The following TASP1 variants were observed in gnomAD, a reference collection of about 807,000 sequenced individuals.
The protein encoded by TASP1 is threonine aspartase 1.
TASP1 carries 16 observed loss-of-function variants against 56.6 expected under a neutral mutation model. That is an observed-to-expected ratio of 0.28 (90% CI 0.19 to 0.43). The LOEUF (loss-of-function observed/expected upper bound fraction) is 0.43. Ranked by LOEUF, TASP1 falls within the 20% of genes least tolerant of loss-of-function variation. The probability of loss-of-function intolerance (pLI) is 1.00; values close to 1 mark genes in which losing one functional copy is unlikely to be tolerated. For synonymous variants in TASP1, 179 were observed against 184.2 expected (o/e 0.97, Z 0.23); for missense variants, 393 against 511.6 (o/e 0.77, Z 2.24).
chr20:13,572,805 C>T (rs1168348380), intron 6 of TASP1, among the ~76,000 whole-genome samples: 1 of 151,866 alleles, frequency 6.6e-6, no homozygotes, highest in South Asian at 2.1e-4. Flanking sequence ...TGGATGTACT[C>T]ATGTGAATTA....
the TASP1 span, among the ~76,000 whole-genome samples, chr20:13,319,669 T>TA: frequency 1.3e-5 from 2 of 152,222 alleles, no homozygotes; most frequent in Non-Finnish European, 2.9e-5. Context: ...CTATAATGCC[T>TA]AAAGAAACAT....
chr20:13,413,273 T>G (rs1600716239), intron 13 of TASP1, among the ~76,000 whole-genome samples: 1 of 152,132 alleles, frequency 6.6e-6, no homozygotes, highest in Non-Finnish European at 1.5e-5. Context: ...GGAAATATGG[T>G]ATGGGCAACA....
chr20:13,178,837 G>A, the TASP1 span, among the ~76,000 whole-genome samples: 1 of 152,018 alleles, frequency 6.6e-6, no homozygotes, highest in African/African-American at 2.4e-5. Flanking sequence ...AGCTAGATAG[G>A]AGAAATAGGT....
chr20:13,601,031 T>C (rs1208082254), intron 4 of TASP1, among the ~76,000 whole-genome samples: 1 of 152,150 alleles, frequency 6.6e-6, no homozygotes, highest in Non-Finnish European at 1.5e-5. Context: ...ATCCCAACCC[T>C]CTGGGAGGCC....
chr20:13,527,507 T>C (rs1452025759), intron 10 of TASP1, among the ~76,000 whole-genome samples: 1 of 152,132 alleles, frequency 6.6e-6, no homozygotes, highest in Non-Finnish European at 1.5e-5. Context: ...GAGAAAAGGC[T>C]TCACGTACAT....
chr20:13,462,367 A>G (rs1177794744), intron 11 of TASP1, among the ~76,000 whole-genome samples: 1 of 152,190 alleles, frequency 6.6e-6, no homozygotes, highest in East Asian at 1.9e-4. Context: ...TTAAATAGCC[A>G]GATGTGACTA....
the TASP1 span, among the ~76,000 whole-genome samples, chr20:13,376,022 G>A: frequency 6.6e-6 from 1 of 152,084 alleles, no homozygotes; most frequent in Non-Finnish European, 1.5e-5. Flanking sequence ...CCATTCTGTA[G>A]GTTGCCTGTT....
chr20:13,327,116 T>C, the TASP1 span, among the ~76,000 whole-genome samples: 7,854 of 152,274 alleles, frequency 0.052, 256 homozygotes, highest in Middle Eastern at 0.11. Context: ...CAGCAAAGTC[T>C]CAGGATAGAA....
chr20:13,277,585 G>A, the TASP1 span, among the ~76,000 whole-genome samples: 3 of 151,630 alleles, frequency 2.0e-5, no homozygotes, highest in African/African-American at 7.3e-5. Flanking sequence ...ATTCATTCCA[G>A]CAAATAGCAA....
chr20:13,312,719 A>T, the TASP1 span, among the ~76,000 whole-genome samples: 5 of 152,156 alleles, frequency 3.3e-5, no homozygotes, highest in Admixed American at 2.0e-4. Flanking sequence ...CCTCCAGCTG[A>T]AACACCTACT....
chr20:13,636,901 T>C (rs181576435), intron 1 of TASP1, among the ~76,000 whole-genome samples: 11 of 152,000 alleles, frequency 7.2e-5, no homozygotes, highest in Non-Finnish European at 1.6e-4. Flanking sequence ...ACTTGACAAG[T>C]CTTTGAAAAA....
chr20:13,592,693 T>C (rs2047577992), intron 4 of TASP1, among the ~76,000 whole-genome samples: 1 of 152,180 alleles, frequency 6.6e-6, no homozygotes, highest in South Asian at 2.1e-4. Flanking sequence ...TTCTGTTTTC[T>C]ATTTCATTGA....
rs574212585 is a variant in TASP1 at position 13,590,229 on chromosome 20, G to C, written c.283-2859C>G. ...AGCCTGGGTGACAGGGCGAGACTCT[G>C]TCTCAAAAAAAGAAAAAGAAAAATG... On this transcript the variant is annotated intron_variant, in intron 4 of 13. Transcript: ENST00000337743. 1.8e-4 allele frequency among the ~76,000 whole-genome samples: 27 copies of C among 152,116 alleles called. No homozygotes were observed. In the South Asian group the frequency reaches 5.4e-3, roughly 30 times the overall value.
chr20:13,522,333 C>T (rs1468123496), intron 10 of TASP1, among the ~76,000 whole-genome samples: 2 of 152,106 alleles, frequency 1.3e-5, no homozygotes, highest in East Asian at 1.9e-4. Context: ...AAGCAAGAGA[C>T]CAGCTAGGAG....
rs780745098 is a variant in TASP1, at chr20:13,390,423, C to T, written c.1200G>A (p.Ala400=). The change falls in exon 14 of 14, where the codon GCG becomes GCA. Residue 400 remains alanine (A), a synonymous_variant. Transcript: ENST00000337743. The stretch of plus-strand genomic sequence containing the variant: ...CGATTGCCACAGACTGTCCTGCCAC[C>T]GCACCAGGAGGAAGTCTTGAAATGT... ...KTHISRLPPG[A]VAGQSVAIEG... 20 of 1,613,772 alleles carry T rather than the reference C, an allele frequency of 1.2e-5. No homozygotes were observed. The South Asian group carries it at 1.3e-4, about 11-fold the overall frequency.
At chr20:13,215,348 T>C in the TASP1 span, among the ~76,000 whole-genome samples, 1 of 152,214 alleles carries the variant, frequency 6.6e-6, no homozygotes. Context: ...GCCTGGAAAT[T>C]ACATAACCTT....
chr20:13,384,661 A>C (rs1393981347), downstream of TASP1, among the ~76,000 whole-genome samples: 1 of 152,184 alleles, frequency 6.6e-6, no homozygotes, highest in South Asian at 2.1e-4. Context: ...TTAATGTGAT[A>C]TTATTAACTT....
At chr20:13,139,639 CTT>C in the TASP1 span, among the ~76,000 whole-genome samples, 1 of 152,190 alleles carries the variant, frequency 6.6e-6, no homozygotes, top group African/African-American at 2.4e-5. Context: ...AGTCACATGA[CTT>C]TGCCTAACCA....
At chr20:13,185,014 T>C in the TASP1 span, among the ~76,000 whole-genome samples, 2 of 151,768 alleles carry the variant, frequency 1.3e-5, no homozygotes, top group Admixed American at 1.3e-4. Flanking sequence ...CCCTCAAATA[T>C]GGAAGATTAA....
Sources: gnomAD v4.1 joint callset for allele counts (sites outside exome capture counted in the v4.1 genomes callset) on GRCh38, gnomAD v4.1.1 for gene constraint, MANE v1.5 for transcripts, NCBI Gene and HGNC (gene_info 2026-07-23, HGNC 2026-07-21) for gene names.